THSD4: variants seen among roughly 807,000 people sequenced by gnomAD.
THSD4 encodes thrombospondin type-1 domain-containing protein 4.
Under a neutral mutation model 119.0 loss-of-function variants are expected in THSD4, and 69 were observed. That is an observed-to-expected ratio of 0.58 (90% CI 0.48 to 0.71). THSD4 has a LOEUF of 0.71. Ranked by LOEUF, THSD4 falls within the 30% of genes least tolerant of loss-of-function variation. THSD4 has a pLI of 0.00. For synonymous variants in THSD4, 524 were observed against 540.4 expected (o/e 0.97, Z 0.42); for missense variants, 1,393 against 1,391.1 (o/e 1.00, Z -0.02).
chr15:71,696,010 G>A (rs1414266199), intron 8 of THSD4, among the ~76,000 whole-genome samples: 1 of 152,222 alleles, frequency 6.6e-6, no homozygotes, highest in East Asian at 1.9e-4. Flanking sequence ...CATGCAGGAT[G>A]TGCCTGGGGC....
At chr15:71,282,759 A>G (rs1261350692) in intron 6 of THSD4, among the ~76,000 whole-genome samples, 1 of 152,184 alleles carries the variant, frequency 6.6e-6, no homozygotes, top group Non-Finnish European at 1.5e-5. Context: ...TACCAGATCC[A>G]TGAAGGCATC....
At chr15:71,460,260 A>T (rs1482451463) in intron 7 of THSD4, among the ~76,000 whole-genome samples, 1 of 152,090 alleles carries the variant, frequency 6.6e-6, no homozygotes, top group Non-Finnish European at 1.5e-5. Flanking sequence ...CATTCATAAA[A>T]ATATAGGTAG....
intron 6 of THSD4, among the ~76,000 whole-genome samples, chr15:71,352,205 A>G (rs985465215): frequency 6.6e-6 from 1 of 152,144 alleles, no homozygotes; most frequent in Non-Finnish European, 1.5e-5. Flanking sequence ...AACATGCTGA[A>G]TGTTCATTTG....
intron 8 of THSD4, among the ~76,000 whole-genome samples, chr15:71,682,355 C>T (rs1393849014): frequency 6.6e-6 from 1 of 152,174 alleles, no homozygotes; most frequent in Non-Finnish European, 1.5e-5. Context: ...GATGAATTTT[C>T]ACAAAGTGAA....
At chr15:71,136,426 G>T (rs2040552796) in intron 1 of THSD4, among the ~76,000 whole-genome samples, 1 of 152,186 alleles carries the variant, frequency 6.6e-6, no homozygotes, top group Non-Finnish European at 1.5e-5. Context: ...CAAGGCTGCA[G>T]TGGTGGAGGC....
chr15:71,577,735 T>TTTATTTTA (rs1567045075), intron 7 of THSD4, among the ~76,000 whole-genome samples: 5 of 150,252 alleles, frequency 3.3e-5, no homozygotes, highest in Admixed American at 1.3e-4. Context: ...TTTATTTTAT[T>TTTATTTTA]TTTGAGACGG....
At chr15:71,771,258 G>A in intron 17 of THSD4, 50 bp downstream of exon 17, 2 of 1,605,050 alleles carry the variant, frequency 1.2e-6, no homozygotes, top group Non-Finnish European at 1.7e-6. Context: ...TTTTAAGCTT[G>A]TCAGATTCTC....
intron 7 of THSD4, among the ~76,000 whole-genome samples, chr15:71,499,809 A>G (rs900150757): frequency 2.6e-5 from 4 of 152,192 alleles, no homozygotes; most frequent in Admixed American, 6.5e-5. Flanking sequence ...AGCTTTATCC[A>G]TTTGTAGCAT....
chr15:71,244,418 C>T (rs1367209466), intron 5 of THSD4, among the ~76,000 whole-genome samples: 5 of 152,108 alleles, frequency 3.3e-5, no homozygotes, highest in Admixed American at 3.3e-4. Flanking sequence ...CTTCAATTTC[C>T]TCATTAAAAA....
At chr15:71,278,943 A>G (rs1277151008) in intron 6 of THSD4, among the ~76,000 whole-genome samples, 1 of 152,142 alleles carries the variant, frequency 6.6e-6, no homozygotes, top group Non-Finnish European at 1.5e-5. Context: ...TGAAGTTTGG[A>G]TTTATCCCAG....
intron 8 of THSD4, among the ~76,000 whole-genome samples, chr15:71,674,707 G>A (rs1029787378): frequency 2.6e-5 from 4 of 152,102 alleles, no homozygotes; most frequent in Admixed American, 2.0e-4. Flanking sequence ...TTCTGCACCC[G>A]CTCCCCATAC....
At chr15:71,214,941 C>T in intron 3 of THSD4, 94 bp from the exon 4 acceptor site, 1 of 1,208,480 alleles carries the variant, frequency 8.3e-7, no homozygotes, top group East Asian at 3.5e-5. Flanking sequence ...ACTGTGCCTA[C>T]TTGTGCCTGA....
intron 7 of THSD4, among the ~76,000 whole-genome samples, chr15:71,526,285 C>T (rs964455646): frequency 6.6e-6 from 1 of 152,152 alleles, no homozygotes; most frequent in African/African-American, 2.4e-5. Flanking sequence ...TTCAAACTTG[C>T]AGCCGGCTTC....
intron 6 of THSD4, among the ~76,000 whole-genome samples, chr15:71,405,171 G>C (rs964484452): frequency 6.6e-6 from 1 of 152,218 alleles, no homozygotes; most frequent in East Asian, 1.9e-4. Context: ...TTACAGGCGT[G>C]AGCCACCATG....
Position 71,745,192 on chromosome 15 carries a change from A to G in THSD4, c.1993A>G (p.Thr665Ala). The G allele has an allele frequency of 6.2e-7, 1 of 1,613,110 alleles. No homozygotes were observed. Among genetic ancestry groups the G allele is most frequent in the Admixed American group, 1.7e-5 (1 of 59,984 alleles). ...ESYCDSSMKP[T>A]PEEEPCNIFP... is the part of the protein sequence containing the mutation. ...TTACTGTGACTCCAGCATGAAGCCGACCCCCGAGGAGGAGCCCTGCAACAT... is the reference window on the plus strand; with the variant it reads ...TTACTGTGACTCCAGCATGAAGCCGGCCCCCGAGGAGGAGCCCTGCAACAT... The change falls in exon 12 of 18, where the codon ACC becomes GCC. Residue 665 changes from threonine (T) to alanine (A), a missense_variant. By Grantham distance (58) the Thr-to-Ala change is moderately conservative. Transcript: ENST00000261862.
intron 7 of THSD4, among the ~76,000 whole-genome samples, chr15:71,556,514 C>T (rs2049019532): frequency 1.3e-5 from 2 of 152,022 alleles, no homozygotes; most frequent in South Asian, 4.1e-4. Flanking sequence ...CTTTGGGATG[C>T]TGAGGCAGGC....
intron 7 of THSD4, among the ~76,000 whole-genome samples, chr15:71,634,074 C>T (rs3743049): frequency 6.6e-6 from 1 of 151,434 alleles, no homozygotes; most frequent in Non-Finnish European, 1.5e-5. Flanking sequence ...GTGATTCCAG[C>T]GACTTGGGAC....
chr15:71,691,058 C>A (rs74984523), intron 8 of THSD4, among the ~76,000 whole-genome samples: 1 of 152,076 alleles, frequency 6.6e-6, no homozygotes, highest in Non-Finnish European at 1.5e-5. Flanking sequence ...GTAGAAGGGG[C>A]AGGACGAAGA....
In THSD4 at chr15:71,332,892, A is replaced by ATTTTTTTTTTTTTTT; in HGVS notation, c.1015+76179_1015+76193dup. On this transcript the variant is annotated intron_variant, in intron 6 of 17. Coordinates refer to ENST00000261862, the MANE Select transcript of THSD4 (RefSeq NM_024817.3). ...TCTTAAAACATTGAGATTTTTTTAC[A>ATTTTTTTTTTTTTTT]TTTTTTTTTTTTTTTTAGTTCATCA... 3.6e-4 allele frequency among the ~76,000 whole-genome samples: 28 copies of ATTTTTTTTTTTTTTT among 76,998 alleles called. 3 individuals are homozygous for ATTTTTTTTTTTTTTT. Among genetic ancestry groups the ATTTTTTTTTTTTTTT allele is most frequent in the African/African-American group, 7.2e-4 (18 of 24,946 alleles). The allele number at this position is 76,998 out of a possible 152,430, so 50.5% of individuals were successfully genotyped here. A position where few individuals can be genotyped will look rare whatever the true frequency, so the allele number is the denominator to read the frequency against.
Sources: allele counts gnomAD v4.1 joint callset (sites outside exome capture counted in the v4.1 genomes callset), GRCh38; gene constraint gnomAD v4.1.1; transcripts MANE v1.5; gene names NCBI Gene and HGNC (gene_info 2026-07-23, HGNC 2026-07-21).